Variants in CAMKMT observed in about 807,000 individuals in gnomAD.
CAMKMT encodes the protein calmodulin-lysine N-methyltransferase.
In CAMKMT, 53 loss-of-function variants were observed where a neutral mutation model predicts 48.0. That is an observed-to-expected ratio of 1.10 (90% CI 0.89 to 1.39). CAMKMT has a LOEUF of 1.39. Among genes scored for constraint, CAMKMT ranks in the 40% most tolerant of loss-of-function variants. The pLI is 0.00. For synonymous variants in CAMKMT, 165 were observed against 152.3 expected (o/e 1.08, Z -0.61); for missense variants, 428 against 402.7 (o/e 1.06, Z -0.54).
At chr2:44,574,649 T>C (rs968245038) in intron 3 of CAMKMT, among the ~76,000 whole-genome samples, 6 of 151,436 alleles carry the variant, frequency 4.0e-5, no homozygotes, top group African/African-American at 1.5e-4. Flanking sequence ...TTTTTTTGAC[T>C]GAGGTTGCGT....
At chr2:44,547,823 C>T (rs993208007) in intron 3 of CAMKMT, among the ~76,000 whole-genome samples, 19 of 152,166 alleles carry the variant, frequency 1.2e-4, no homozygotes, top group Non-Finnish European at 4.4e-5. Flanking sequence ...TTATCTCTAA[C>T]GGCCTAAATT....
chr2:44,631,581 A>G, intron 3 of CAMKMT: 1 of 557,790 alleles, frequency 1.8e-6, no homozygotes, highest in Non-Finnish European at 3.1e-6. Context: ...GATTAGTAGC[A>G]TGAGCCACTG....
chr2:44,600,940 A>G (rs1199429053), intron 3 of CAMKMT, among the ~76,000 whole-genome samples: 1 of 152,096 alleles, frequency 6.6e-6, no homozygotes, highest in Non-Finnish European at 1.5e-5. Flanking sequence ...AGAGTGTGTC[A>G]AGACAATGAG....
chr2:44,436,661 A>G (rs1427906579), intron 3 of CAMKMT, among the ~76,000 whole-genome samples: 1 of 152,104 alleles, frequency 6.6e-6, no homozygotes, highest in Non-Finnish European at 1.5e-5. Context: ...GATTTGACCA[A>G]AAGTACTTAG....
At chr2:44,740,410 A>G (rs1679612341) in intron 7 of CAMKMT, among the ~76,000 whole-genome samples, 1 of 152,136 alleles carries the variant, frequency 6.6e-6, no homozygotes, top group Non-Finnish European at 1.5e-5. Flanking sequence ...GATTACAGGC[A>G]TGAGCCACCG....
At chr2:44,529,984 A>G (rs1666394518) in intron 3 of CAMKMT, among the ~76,000 whole-genome samples, 1 of 152,354 alleles carries the variant, frequency 6.6e-6, no homozygotes, top group East Asian at 1.9e-4. Context: ...AAACATTTAC[A>G]TTAAACCTGT....
At chr2:44,660,181 C>A (rs1327762396) in intron 3 of CAMKMT, among the ~76,000 whole-genome samples, 1 of 152,142 alleles carries the variant, frequency 6.6e-6, no homozygotes. Flanking sequence ...TTTTTACAAA[C>A]CTCTTTAATG....
intron 2 of CAMKMT, among the ~76,000 whole-genome samples, chr2:44,373,847 G>C (rs1044532278): frequency 6.6e-6 from 1 of 152,020 alleles, no homozygotes; most frequent in Non-Finnish European, 1.5e-5. Flanking sequence ...ATGCCGGCTG[G>C]GCGCAGTGGC....
chr2:44,588,298 G>C (rs1670013153), intron 3 of CAMKMT, among the ~76,000 whole-genome samples: 1 of 63,602 alleles, frequency 1.6e-5, no homozygotes, highest in Non-Finnish European at 3.1e-5. Flanking sequence ...CCCCGTCCGG[G>C]AGGGAGGGGG....
At chr2:44,616,275 C>T (rs1286764724) in intron 3 of CAMKMT, among the ~76,000 whole-genome samples, 1 of 152,144 alleles carries the variant, frequency 6.6e-6, no homozygotes, top group African/African-American at 2.4e-5. Context: ...TCCTGTCATT[C>T]CCTGTTGCAA....
chr2:44,396,478 A>G (rs1035072999), intron 3 of CAMKMT, among the ~76,000 whole-genome samples: 6 of 152,212 alleles, frequency 3.9e-5, no homozygotes, highest in African/African-American at 1.4e-4. Flanking sequence ...CACAAGAGAA[A>G]TAGCAATGTT....
intron 3 of CAMKMT, among the ~76,000 whole-genome samples, chr2:44,474,457 A>AG (rs1040977519): frequency 3.3e-5 from 5 of 152,056 alleles, no homozygotes; most frequent in African/African-American, 1.2e-4. Flanking sequence ...AAAAAAAAAA[A>AG]AAAAAAGAAA....
intron 3 of CAMKMT, among the ~76,000 whole-genome samples, chr2:44,686,272 A>G (rs1283066775): frequency 1.3e-5 from 2 of 151,992 alleles, no homozygotes; most frequent in African/African-American, 4.8e-5. Flanking sequence ...GGGCGCCTGT[A>G]GTCCCAGCTA....
intron 3 of CAMKMT, among the ~76,000 whole-genome samples, chr2:44,472,034 A>G (rs891705679): frequency 7.2e-5 from 11 of 152,166 alleles, no homozygotes; most frequent in African/African-American, 2.7e-4. Context: ...GATTTTCAAA[A>G]GAACTATTTA....
At chr2:44,401,656 T>A (rs2104448153) in intron 3 of CAMKMT, among the ~76,000 whole-genome samples, 1 of 152,356 alleles carries the variant, frequency 6.6e-6, no homozygotes, top group Non-Finnish European at 1.5e-5. Context: ...ATGGCTTGAA[T>A]AACTACATTA....
chr2:44,729,110 C>T (rs975278751), intron 7 of CAMKMT, among the ~76,000 whole-genome samples: 11 of 150,966 alleles, frequency 7.3e-5, no homozygotes, highest in Non-Finnish European at 8.8e-5. Flanking sequence ...TGAGCAAATA[C>T]GGGGTCATTC....
chr2:44,692,947 G>C (rs550385071), intron 3 of CAMKMT, among the ~76,000 whole-genome samples: 4 of 152,068 alleles, frequency 2.6e-5, no homozygotes, highest in Non-Finnish European at 5.9e-5. Flanking sequence ...TCCTATATGC[G>C]TCTGCTGTAC....
At chr2:44,699,590 C>G (rs1427096230) in intron 3 of CAMKMT, among the ~76,000 whole-genome samples, 1 of 150,120 alleles carries the variant, frequency 6.7e-6, no homozygotes, top group Non-Finnish European at 1.5e-5. Context: ...TTGCATAATT[C>G]CTTTTCTCTT....
chr2:44,625,274 A>G (rs1369291753), intron 3 of CAMKMT, among the ~76,000 whole-genome samples: 1 of 152,042 alleles, frequency 6.6e-6, no homozygotes, highest in Non-Finnish European at 1.5e-5. Flanking sequence ...TCATGTGTTT[A>G]TTGACCATTT....
Sources: allele counts gnomAD v4.1 joint callset (sites outside exome capture counted in the v4.1 genomes callset), GRCh38; gene constraint gnomAD v4.1.1; transcripts MANE v1.5; gene names NCBI Gene and HGNC (gene_info 2026-07-23, HGNC 2026-07-21).